The following ZC4H2 variants were observed in gnomAD, a reference collection of about 807,000 sequenced individuals.
The protein encoded by ZC4H2 is zinc finger C4H2 domain-containing protein.
For synonymous variants in ZC4H2, 84 were observed against 66.3 expected, an observed-to-expected ratio of 1.27 and a Z score of -1.30; for missense variants, 137 against 173.9, an observed-to-expected ratio of 0.79 and a Z score of 1.19.
At chrX:65,013,304 G>A (rs1198878632) in intron 1 of ZC4H2, among the ~76,000 whole-genome samples, 1 of 111,385 alleles carries the variant, frequency 9.0e-6, no homozygotes, top group Non-Finnish European at 1.9e-5. Flanking sequence ...CATGTAATAG[G>A]TAAATTTCTA....
At chrX:64,924,136 G>A (rs1208319471) in intron 1 of ZC4H2, among the ~76,000 whole-genome samples, 1 of 111,672 alleles carries the variant, frequency 9.0e-6, no homozygotes, top group Non-Finnish European at 1.9e-5. Flanking sequence ...CTCACCCTAA[G>A]TGTCATACAA....
At chrX:64,948,473 A>G (rs907341474) in intron 1 of ZC4H2, among the ~76,000 whole-genome samples, 1 of 112,003 alleles carries the variant, frequency 8.9e-6, no homozygotes, top group African/African-American at 3.2e-5. Flanking sequence ...CATCAGGGGA[A>G]TCTGAGAGCA....
chrX:64,931,255 TCTCA>T (rs1364122673), intron 1 of ZC4H2, among the ~76,000 whole-genome samples: 3 of 112,243 alleles, frequency 2.7e-5, no homozygotes, highest in Non-Finnish European at 5.6e-5. Flanking sequence ...TCTTGGTTAA[TCTCA>T]CTAACAGTCT....
At chrX:64,951,023 T>C (rs1345668030) in intron 1 of ZC4H2, among the ~76,000 whole-genome samples, 2 of 110,812 alleles carry the variant, frequency 1.8e-5, no homozygotes, top group African/African-American at 6.6e-5. Context: ...GTTCTCATTG[T>C]TCAATTCCCA....
chrX:64,927,466 C>T (rs1449800989), intron 1 of ZC4H2, among the ~76,000 whole-genome samples: 1 of 111,747 alleles, frequency 8.9e-6, no homozygotes, highest in East Asian at 2.8e-4. Flanking sequence ...TAAACTCATC[C>T]ATTTTTATGG....
rs1439698085 is a variant in ZC4H2, at chrX:64,917,715, A to G, written c.*68T>C. On this transcript the variant is annotated 3_prime_UTR_variant, in exon 5 of 5. Coordinates refer to ENST00000374839, the MANE Select transcript of ZC4H2 (RefSeq NM_018684.4). The stretch of plus-strand genomic sequence containing the variant: ...GGTTGGGCAAGGGTTGTTTCACATC[A>G]GGACATCAATGACTCTGGTCAAGGT... 8.5e-7 allele frequency: 1 copy of G among 1,170,276 alleles called. No individual in the cohort carries two copies. The highest frequency in any genetic ancestry group is 1.1e-6 in the Non-Finnish European group (1 of 874,425).
At chrX:64,984,152 C>G (rs754944941) in intron 1 of ZC4H2, among the ~76,000 whole-genome samples, 8 of 111,163 alleles carry the variant, frequency 7.2e-5, no homozygotes, top group African/African-American at 2.6e-4. Flanking sequence ...CATGTATACC[C>G]TTTGTTTAGT....
At chrX:64,936,854 C>T (rs1171396632) in intron 1 of ZC4H2, among the ~76,000 whole-genome samples, 4 of 111,752 alleles carry the variant, frequency 3.6e-5, no homozygotes, top group East Asian at 5.6e-4. Flanking sequence ...TATGAAGAAA[C>T]TGCAACAAAT....
chrX:64,956,266 C>A (rs1221844197), intron 1 of ZC4H2, among the ~76,000 whole-genome samples: 1 of 111,421 alleles, frequency 9.0e-6, no homozygotes, highest in Non-Finnish European at 1.9e-5. Context: ...TGAGTAGACT[C>A]TTTAGCCCAT....
intron 1 of ZC4H2, among the ~76,000 whole-genome samples, chrX:64,986,921 C>CTT (rs1028871395): frequency 0.066 from 5,285 of 79,527 alleles, 669 homozygotes; most frequent in African/African-American, 0.25. Flanking sequence ...CAAGATAATT[C>CTT]TTTTTTTTTT....
intron 1 of ZC4H2, among the ~76,000 whole-genome samples, chrX:64,931,766 C>A (rs1169826178): frequency 9.0e-6 from 1 of 110,973 alleles, no homozygotes; most frequent in Non-Finnish European, 1.9e-5. Flanking sequence ...TGTTGTGTGA[C>A]CTATGATATG....
chrX:64,968,352 A>C (rs2147412448), intron 1 of ZC4H2, among the ~76,000 whole-genome samples: 1 of 111,876 alleles, frequency 8.9e-6, no homozygotes, highest in East Asian at 2.8e-4. Flanking sequence ...CATCACAACA[A>C]GGAACTTTCA....
intron 1 of ZC4H2, among the ~76,000 whole-genome samples, chrX:65,000,011 C>T (rs1307866431): frequency 8.9e-6 from 1 of 112,203 alleles, no homozygotes; most frequent in Non-Finnish European, 1.9e-5. Context: ...GTTGTGGGCA[C>T]AGCTTCAGCA....
intron 1 of ZC4H2, among the ~76,000 whole-genome samples, chrX:65,023,006 C>A (rs1356503771): frequency 9.0e-6 from 1 of 111,270 alleles, no homozygotes; most frequent in African/African-American, 3.3e-5. Context: ...CTGTTCTGTT[C>A]CATTGGTCTA....
At chrX:65,020,449 G>A (rs1167009316) in intron 1 of ZC4H2, among the ~76,000 whole-genome samples, 1 of 111,587 alleles carries the variant, frequency 9.0e-6, no homozygotes, top group Non-Finnish European at 1.9e-5. Context: ...CTTCATAAGT[G>A]AAGGAGAAAT....
At chrX:65,029,649 G>C (rs961072881) in intron 1 of ZC4H2, among the ~76,000 whole-genome samples, 1 of 111,822 alleles carries the variant, frequency 8.9e-6, no homozygotes. Context: ...TGAGGTGCTA[G>C]ATGAGACAAA....
In ZC4H2 at chrX:64,937,819, C is replaced by A. The variant is rs776241613; in HGVS notation, c.54-15831G>T. Among the ~76,000 whole-genome samples the A allele has an allele frequency of 5.4e-5, 6 of 111,474 alleles. 1 individual carries two copies. Among genetic ancestry groups the A allele is most frequent in the South Asian group, 3.8e-4 (1 of 2,627 alleles). On this transcript the variant is annotated intron_variant, in intron 1 of 4. Coordinates refer to ENST00000374839, the MANE Select transcript of ZC4H2 (RefSeq NM_018684.4). Reference sequence around the variant, plus strand: ...GGGCATTTATACCACTAAATCCCCACAAGAGAAAGCAGAAAAGATCTAAAA... The same window carrying A: ...GGGCATTTATACCACTAAATCCCCAAAAGAGAAAGCAGAAAAGATCTAAAA...
At chrX:64,958,375 C>A (rs1002085620) in intron 1 of ZC4H2, among the ~76,000 whole-genome samples, 2 of 109,209 alleles carry the variant, frequency 1.8e-5, no homozygotes, top group Admixed American at 9.6e-5. Context: ...TGGCACATGC[C>A]TGTATATGTG....
intron 4 of ZC4H2, chrX:64,918,445 G>T (rs969865681): frequency 8.8e-6 from 1 of 113,602 alleles, no homozygotes; most frequent in African/African-American, 3.2e-5. Context: ...GTAATTTGAT[G>T]ACCCCTGCTC....
Sources: gnomAD v4.1 joint callset for allele counts (sites outside exome capture counted in the v4.1 genomes callset) on GRCh38, gnomAD v4.1.1 for gene constraint, MANE v1.5 for transcripts, NCBI Gene and HGNC (gene_info 2026-07-23, HGNC 2026-07-21) for gene names.